The following PRRX1 variants were observed in gnomAD, a reference collection of about 807,000 sequenced individuals.
PRRX1 encodes the protein paired related homeobox 1, also known as paired mesoderm homeobox protein 1.
A neutral mutation model predicts 24.0 loss-of-function variants in PRRX1; 8 were observed. That is an observed-to-expected ratio of 0.33 (90% CI 0.20 to 0.60). PRRX1 has a LOEUF of 0.60. PRRX1 is among the 20% of genes least tolerant of loss of function. The pLI, the probability that PRRX1 is intolerant of heterozygous loss-of-function variation, is 0.82. For missense variants in PRRX1, 281 were observed against 322.4 expected (o/e 0.87, Z 0.98); for synonymous variants, 160 against 131.7 (o/e 1.22, Z -1.47).
At chr1:170,692,592 C>CT (rs578239671) in intron 1 of PRRX1, among the ~76,000 whole-genome samples, 2,532 of 121,874 alleles carry the variant, frequency 0.021, 75 homozygotes, top group African/African-American at 0.069. Context: ...CTAGTTGAAT[C>CT]TTTTTTTTTT....
upstream of PRRX1, chr1:170,664,078 C>A: frequency 1.4e-6 from 1 of 694,404 alleles, no homozygotes; most frequent in Non-Finnish European, 2.1e-6. Flanking sequence ...TCCTTCCCTC[C>A]CTCTTCCTCC....
intron 1 of PRRX1, among the ~76,000 whole-genome samples, chr1:170,705,316 C>T (rs931574475): frequency 2.0e-5 from 3 of 152,178 alleles, no homozygotes; most frequent in South Asian, 4.1e-4. Context: ...GGTTCTCACT[C>T]TGTTGCCCAG....
At chr1:170,705,917 G>GACACACACACACACATATAC (rs1654541801) in intron 1 of PRRX1, among the ~76,000 whole-genome samples, 1 of 123,674 alleles carries the variant, frequency 8.1e-6, no homozygotes, top group Admixed American at 8.7e-5. Context: ...TACCCACATA[G>GACACACACACACACATATAC]ACACACACAC....
At chr1:170,672,075 A>T (rs1230441390) in intron 1 of PRRX1, among the ~76,000 whole-genome samples, 1 of 152,138 alleles carries the variant, frequency 6.6e-6, no homozygotes, top group Non-Finnish European at 1.5e-5. Context: ...ACGAAAGAAC[A>T]ATAACTGCCC....
chr1:170,678,601 G>T (rs144004918), intron 1 of PRRX1, among the ~76,000 whole-genome samples: 5 of 152,172 alleles, frequency 3.3e-5, no homozygotes, highest in African/African-American at 1.2e-4. Context: ...TAAAAATGCT[G>T]TCAATATTTT....
chr1:170,719,684 A>G, intron 1 of PRRX1, 42 bp from the exon 2 acceptor site: 1 of 1,600,824 alleles, frequency 6.2e-7, no homozygotes, highest in Non-Finnish European at 8.6e-7. Flanking sequence ...TGGGACTCCT[A>G]CAGTGAATTT....
At chr1:170,682,449 G>A (rs1653582654) in intron 1 of PRRX1, among the ~76,000 whole-genome samples, 1 of 151,842 alleles carries the variant, frequency 6.6e-6, no homozygotes, top group Admixed American at 6.6e-5. Flanking sequence ...GAGGAAATAA[G>A]GTACTGAATT....
chr1:170,714,616 G>A (rs573265132), intron 1 of PRRX1, among the ~76,000 whole-genome samples: 1 of 152,132 alleles, frequency 6.6e-6, no homozygotes, highest in Non-Finnish European at 1.5e-5. Flanking sequence ...AATCTCTAAG[G>A]TTCCTCCCAC....
chr1:170,725,933 C>G (rs777313742), intron 2 of PRRX1, among the ~76,000 whole-genome samples: 1 of 152,050 alleles, frequency 6.6e-6, no homozygotes, highest in Non-Finnish European at 1.5e-5. Context: ...GATTATAACC[C>G]ATATTTTGCT....
Position 170,736,265 on chromosome 1 carries a change from T to C in PRRX1, c.*79T>C, listed in dbSNP as rs1655599169. On this transcript the variant is annotated 3_prime_UTR_variant, in exon 4 of 4. Transcript: ENST00000239461. ...TATCCTGCTCTGTTATTTCTTCATCTGCTGGGGGGAAAAAGTAAATTACAA... is the reference window on the plus strand; with the variant it reads ...TATCCTGCTCTGTTATTTCTTCATCCGCTGGGGGGAAAAAGTAAATTACAA... The C allele has an allele frequency of 6.4e-7, 1 of 1,560,414 alleles. No homozygotes were observed. The highest frequency in any genetic ancestry group is 1.4e-5 in the African/African-American group (1 of 73,364).
intron 1 of PRRX1, among the ~76,000 whole-genome samples, chr1:170,716,532 C>T (rs188188958): frequency 6.7e-6 from 1 of 149,140 alleles, no homozygotes; most frequent in African/African-American, 2.5e-5. Flanking sequence ...TGCGGTGAGC[C>T]AAGATCGCGC....
intron 1 of PRRX1, among the ~76,000 whole-genome samples, chr1:170,674,207 C>T (rs190713700): frequency 3.2e-4 from 48 of 152,174 alleles, no homozygotes; most frequent in Admixed American, 2.3e-3. Context: ...CTCTCTGTCA[C>T]ACACACACAC....
At chr1:170,677,376 G>T (rs982795410) in intron 1 of PRRX1, among the ~76,000 whole-genome samples, 2 of 152,182 alleles carry the variant, frequency 1.3e-5, no homozygotes, top group South Asian at 4.1e-4. Context: ...ATTATAAATT[G>T]TTATAAATGC....
At chr1:170,686,896 TATAA>T (rs1413875063) in intron 1 of PRRX1, among the ~76,000 whole-genome samples, 1 of 152,126 alleles carries the variant, frequency 6.6e-6, no homozygotes, top group Non-Finnish European at 1.5e-5. Context: ...TTGAGTGCCT[TATAA>T]ATGGTTATGC....
intron 2 of PRRX1, 22 bp downstream of exon 2, chr1:170,719,923 T>C: frequency 6.2e-7 from 1 of 1,613,114 alleles, no homozygotes; most frequent in African/African-American, 1.3e-5. Context: ...TGTGAGAGGC[T>C]GGCACCAAGT....
intron 1 of PRRX1, among the ~76,000 whole-genome samples, chr1:170,716,932 T>C (rs1351630731): frequency 6.6e-6 from 1 of 152,214 alleles, no homozygotes; most frequent in Non-Finnish European, 1.5e-5. Context: ...CTGGGTCCTG[T>C]TCTGCATTCT....
chr1:170,733,699 G>T (rs1420730338), intron 3 of PRRX1, among the ~76,000 whole-genome samples: 5 of 151,986 alleles, frequency 3.3e-5, no homozygotes, highest in Non-Finnish European at 5.9e-5. Flanking sequence ...AGGTTGACTT[G>T]GTTGATTTTA....
chr1:170,733,476 A>G (rs1342207037), intron 3 of PRRX1, among the ~76,000 whole-genome samples: 3 of 152,180 alleles, frequency 2.0e-5, no homozygotes. Context: ...ACAATATTCT[A>G]TGACAATCTA....
At chr1:170,729,935 C>T (rs1475594877) in intron 3 of PRRX1, among the ~76,000 whole-genome samples, 3 of 152,216 alleles carry the variant, frequency 2.0e-5, no homozygotes, top group Non-Finnish European at 4.4e-5. Flanking sequence ...TCTTGCAGTG[C>T]TTTGCTTCGT....
Sources: gnomAD v4.1 joint callset for allele counts (sites outside exome capture counted in the v4.1 genomes callset) on GRCh38, gnomAD v4.1.1 for gene constraint, MANE v1.5 for transcripts, NCBI Gene and HGNC (gene_info 2026-07-23, HGNC 2026-07-21) for gene names.